The following UBAC2 variants were observed in gnomAD, a reference collection of about 807,000 sequenced individuals.
UBAC2 encodes UBA domain containing 2.
A neutral mutation model predicts 44.0 loss-of-function variants in UBAC2; 26 were observed. The observed-to-expected ratio is 0.59, with a 90% CI of 0.43 to 0.82. The LOEUF is 0.82. UBAC2 is among the 40% of genes least tolerant of loss of function. The probability of loss-of-function intolerance (pLI) is 0.00; values close to 1 mark genes in which losing one functional copy is unlikely to be tolerated. For missense variants in UBAC2, 329 were observed against 419.4 expected (o/e 0.78, Z 1.88); for synonymous variants, 155 against 154.3 (o/e 1.00, Z -0.04).
chr13:99,353,037 C>T (rs1205617372), intron 7 of UBAC2, among the ~76,000 whole-genome samples: 1 of 152,214 alleles, frequency 6.6e-6, no homozygotes, highest in Admixed American at 6.5e-5. Context: ...TTTGGCTATG[C>T]TCTTTCACTT....
intron 4 of UBAC2, among the ~76,000 whole-genome samples, chr13:99,268,467 G>A (rs1295379161): frequency 6.6e-6 from 1 of 151,868 alleles, no homozygotes; most frequent in Admixed American, 6.6e-5. Context: ...AATTAGCCAG[G>A]CGTGGTGGCA....
At chr13:99,208,947 ACCTAGGAACTTAG>A (rs1451902057) in intron 1 of UBAC2, among the ~76,000 whole-genome samples, 3 of 152,312 alleles carry the variant, frequency 2.0e-5, no homozygotes, top group Non-Finnish European at 4.4e-5. Context: ...ACTCCTCAGC[ACCTAGGAACTTAG>A]ATCCCCCTAT....
At chr13:99,206,870 C>T (rs2042878765) in intron 1 of UBAC2, among the ~76,000 whole-genome samples, 1 of 152,246 alleles carries the variant, frequency 6.6e-6, no homozygotes, top group African/African-American at 2.4e-5. Context: ...TCGGGGCCAT[C>T]ACCTGGGTGC....
chr13:99,245,549 T>TCAAA (rs367589490), intron 4 of UBAC2, among the ~76,000 whole-genome samples: 10 of 151,916 alleles, frequency 6.6e-5, no homozygotes, highest in Admixed American at 1.3e-4. Flanking sequence ...AGACTCCATC[T>TCAAA]CAAACAAACA....
intron 1 of UBAC2, among the ~76,000 whole-genome samples, chr13:99,219,463 C>T (rs1442457194): frequency 3.9e-5 from 6 of 152,200 alleles, no homozygotes; most frequent in Non-Finnish European, 7.3e-5. Flanking sequence ...CAGAAAGAAA[C>T]GGAGTGCCCA....
intron 4 of UBAC2, among the ~76,000 whole-genome samples, chr13:99,289,555 T>G (rs1421157163): frequency 6.6e-6 from 1 of 152,212 alleles, no homozygotes; most frequent in African/African-American, 2.4e-5. Flanking sequence ...TAAGGAAGAT[T>G]GTTTGCCAAG....
At chr13:99,232,895 T>G (rs1480072600) in intron 1 of UBAC2, among the ~76,000 whole-genome samples, 1 of 152,052 alleles carries the variant, frequency 6.6e-6, no homozygotes, top group Non-Finnish European at 1.5e-5. Flanking sequence ...TCAGCTGAGA[T>G]CACGCCACTG....
At chr13:99,214,210 G>T (rs561383788) in intron 1 of UBAC2, among the ~76,000 whole-genome samples, 1 of 150,704 alleles carries the variant, frequency 6.6e-6, no homozygotes, top group African/African-American at 2.4e-5. Context: ...TTTTGCCTTG[G>T]CATCTTTGGT....
intron 4 of UBAC2, among the ~76,000 whole-genome samples, chr13:99,297,137 TATAA>T (rs2044188019): frequency 6.6e-6 from 1 of 152,192 alleles, no homozygotes. Flanking sequence ...CTTTTCTTGT[TATAA>T]ATAATGTTAA....
chr13:99,358,860 G>C (rs1013660146), intron 7 of UBAC2, among the ~76,000 whole-genome samples: 2 of 152,174 alleles, frequency 1.3e-5, no homozygotes, highest in African/African-American at 4.8e-5. Context: ...TTTGGGACGT[G>C]TTCTATCTTA....
At chr13:99,337,653 C>CTGTTG (rs1287045723) in intron 6 of UBAC2, among the ~76,000 whole-genome samples, 1 of 152,202 alleles carries the variant, frequency 6.6e-6, no homozygotes, top group African/African-American at 2.4e-5. Context: ...CATATTCCCT[C>CTGTTG]TGTTGTCTTC....
At chr13:99,215,550 G>A in intron 1 of UBAC2, 1 of 1,457,300 alleles carries the variant, frequency 6.9e-7, no homozygotes, top group South Asian at 1.1e-5. Context: ...TGCATTTCCT[G>A]CCAGTTCAAG....
At chr13:99,256,741 A>T (rs2043567549) in intron 4 of UBAC2, among the ~76,000 whole-genome samples, 1 of 150,142 alleles carries the variant, frequency 6.7e-6, no homozygotes, top group Non-Finnish European at 1.5e-5. Flanking sequence ...TTTTAAATGG[A>T]AAGGAGGTTA....
At chr13:99,225,427 C>A (rs1647661286) in intron 1 of UBAC2, among the ~76,000 whole-genome samples, 3 of 152,190 alleles carry the variant, frequency 2.0e-5, no homozygotes, top group Admixed American at 2.0e-4. Context: ...TTGTGACCGG[C>A]TTATTTCACA....
chr13:99,303,224 G>C (rs181835403), intron 4 of UBAC2, among the ~76,000 whole-genome samples: 4 of 152,290 alleles, frequency 2.6e-5, no homozygotes, highest in Non-Finnish European at 5.9e-5. Context: ...ACATCTTCAA[G>C]ACTGAAAAAG....
At chr13:99,339,326 T>C (rs562443829) in intron 6 of UBAC2, among the ~76,000 whole-genome samples, 10 of 152,332 alleles carry the variant, frequency 6.6e-5, no homozygotes, top group African/African-American at 2.4e-4. Context: ...CAGAGTAGGT[T>C]CGTGCCCCAT....
rs776115198 is a variant in UBAC2 at position 99,255,234 on chromosome 13, A to C, written c.389+10610A>C. The C allele has an allele frequency of 2.5e-6, 4 of 1,614,092 alleles. No individual in the cohort carries two copies. The East Asian group carries it at 8.9e-5, about 36-fold the overall frequency. On this transcript the variant is annotated intron_variant, in intron 4 of 8. Coordinates refer to ENST00000403766, the MANE Select transcript of UBAC2 (RefSeq NM_001144072.2). Reference sequence around the variant, plus strand: ...GCTTAGACGTCCTGCCGTGAAGGAGATTATGAATAATGACCAAGTAGCACC... The same window carrying C: ...GCTTAGACGTCCTGCCGTGAAGGAGCTTATGAATAATGACCAAGTAGCACC...
chr13:99,344,960 A>T (rs1477380299), intron 7 of UBAC2, among the ~76,000 whole-genome samples: 1 of 152,228 alleles, frequency 6.6e-6, no homozygotes, highest in Non-Finnish European at 1.5e-5. Context: ...GAAACAAGGA[A>T]ATATTTACTG....
At chr13:99,209,711 C>T (rs1024935494) in intron 1 of UBAC2, among the ~76,000 whole-genome samples, 1 of 152,190 alleles carries the variant, frequency 6.6e-6, no homozygotes, top group East Asian at 1.9e-4. Flanking sequence ...TAGTGGCTCA[C>T]GCCTGTAATC....
Sources: allele counts gnomAD v4.1 joint callset (sites outside exome capture counted in the v4.1 genomes callset), GRCh38; gene constraint gnomAD v4.1.1; transcripts MANE v1.5; gene names NCBI Gene and HGNC (gene_info 2026-07-23, HGNC 2026-07-21).